Variants in ABHD18 observed in about 807,000 individuals in gnomAD.
ABHD18 encodes cardiolipin-specific deacylase, mitochondrial.
A neutral mutation model predicts 65.9 loss-of-function variants in ABHD18; 55 were observed. That is an observed-to-expected ratio of 0.84 (90% CI 0.67 to 1.05). The LOEUF is 1.05. Ranked by LOEUF, ABHD18 falls within the 50% of genes least tolerant of loss-of-function variation. The pLI is 0.00. For synonymous variants in ABHD18, 181 were observed against 180.2 expected, an observed-to-expected ratio of 1.00 and a Z score of -0.04; for missense variants, 533 against 558.5, an observed-to-expected ratio of 0.95 and a Z score of 0.46.
intron 1 of ABHD18, among the ~76,000 whole-genome samples, chr4:127,977,284 C>G (rs539090413): frequency 1.7e-3 from 260 of 150,134 alleles, no homozygotes; most frequent in African/African-American, 5.8e-3. Context: ...ACCAGCCTGA[C>G]CAACATGGAG....
chr4:127,984,379 T>C lies in ABHD18; in HGVS notation c.133T>C (p.Cys45Arg). The C allele has an allele frequency of 1.9e-6, 3 of 1,550,956 alleles. No homozygotes were observed. Among genetic ancestry groups the C allele is most frequent in the Non-Finnish European group, 2.6e-6 (3 of 1,145,936 alleles). The change falls in exon 3 of 13, where the codon TGC (cysteine) becomes CGC (arginine). Residue 45 changes from cysteine to arginine, a missense_variant. Around this residue, in one of 3 missense-constraint regions of ABHD18, gnomAD observed 309 missense variants for 313.5 expected, o/e 0.99. Transcript: ENST00000645843. ...FRKMIGNRER[C>R]QNLVSSDYPV... ...AAAGATGATTGGAAATCGGGAAAGA[T>C]GCCAGAATCTGGTTTCAAGCGATTA...
chr4:128,011,818 G>A, intron 7 of ABHD18, 118 bp downstream of exon 7: 1 of 431,432 alleles, frequency 2.3e-6, no homozygotes, highest in South Asian at 4.0e-5. Flanking sequence ...TATGGGGGGG[G>A]GGAGTTCTGT....
chr4:127,999,323 G>T (rs114616569), intron 4 of ABHD18, among the ~76,000 whole-genome samples: 4,440 of 152,130 alleles, frequency 0.029, 200 homozygotes, highest in African/African-American at 0.1. Context: ...CCTTCTGGTG[G>T]CTTAGTTCTT....
intron 7 of ABHD18, 85 bp downstream of exon 7, chr4:128,011,785 T>C: frequency 1.4e-6 from 1 of 717,954 alleles, no homozygotes; most frequent in East Asian, 5.8e-5. Context: ...AGTTAACCAT[T>C]TCTAAATTGA....
intron 4 of ABHD18, chr4:128,001,845 TG>T (rs371700265): frequency 0.021 from 27,274 of 1,322,182 alleles, 1,036 homozygotes; most frequent in African/African-American, 0.2. Context: ...TGTTTTGTTT[TG>T]TTTTTTTTTT....
chr4:127,971,482 CTTTTTTTTT>C (rs1156788634), intron 1 of ABHD18, among the ~76,000 whole-genome samples: 3 of 51,906 alleles, frequency 5.8e-5, no homozygotes, highest in East Asian at 1.3e-3. Context: ...CCAGAGTTGG[CTTTTTTTTT>C]TTTTTTTTTT....
At chr4:128,018,883 ACGTG>A (rs1194598950) in intron 8 of ABHD18, among the ~76,000 whole-genome samples, 1 of 151,736 alleles carries the variant, frequency 6.6e-6, no homozygotes. Flanking sequence ...GTGTGGTGGC[ACGTG>A]CCTGTAATCC....
intron 7 of ABHD18, 74 bp from the exon 8 acceptor site, chr4:128,017,289 C>G: frequency 7.1e-7 from 1 of 1,400,942 alleles, no homozygotes; most frequent in Non-Finnish European, 9.8e-7. Context: ...AGTCTGGCAG[C>G]CTGTTGTAAA....
intron 3 of ABHD18, among the ~76,000 whole-genome samples, chr4:127,988,405 A>G (rs1282035345): frequency 6.6e-6 from 1 of 151,916 alleles, no homozygotes; most frequent in Non-Finnish European, 1.5e-5. Context: ...TAATTTTTGT[A>G]TTTTTTGTAG....
At position 128,039,190 on chromosome 4, in the gene ABHD18, C is replaced by T. The variant is rs901839269; in HGVS notation, c.*3377C>T. ...ATATATATATATATATATATAATCT[C>T]AAAGAAGTGCGGTCTGCCATTTATC... is the stretch of plus-strand genomic sequence containing the variant. On this transcript the variant is annotated 3_prime_UTR_variant, in exon 13 of 13. Coordinates refer to ENST00000645843, the MANE Select transcript of ABHD18 (RefSeq NM_001358451.3). 7.6e-5 allele frequency: 10 copies of T among 131,564 alleles called. No homozygotes were observed. The highest frequency in any genetic ancestry group is 2.6e-4 in the African/African-American group (9 of 35,218). 8.1% of individuals were successfully genotyped at this position (131,564 alleles called of 1,614,324 possible).
At chr4:128,007,328 TAA>T (rs750294558) in intron 4 of ABHD18, among the ~76,000 whole-genome samples, 24 of 58,794 alleles carry the variant, frequency 4.1e-4, no homozygotes, top group Non-Finnish European at 4.7e-4. Context: ...ACCTTGTCTC[TAA>T]AAAAAAAAAA....
chr4:127,999,153 G>A (rs1234920060), intron 4 of ABHD18, among the ~76,000 whole-genome samples: 3 of 152,024 alleles, frequency 2.0e-5, no homozygotes, highest in African/African-American at 4.8e-5. Context: ...GCTTGGTGGT[G>A]CACGTCTGGA....
At chr4:128,011,359 A>G (rs1754522330) in intron 6 of ABHD18, among the ~76,000 whole-genome samples, 1 of 152,054 alleles carries the variant, frequency 6.6e-6, no homozygotes, top group South Asian at 2.1e-4. Flanking sequence ...CATGTTAGCC[A>G]GGATGGTCTC....
At chr4:128,002,856 C>G (rs1752913502) in intron 4 of ABHD18, among the ~76,000 whole-genome samples, 2 of 151,632 alleles carry the variant, frequency 1.3e-5, no homozygotes, top group African/African-American at 4.8e-5. Flanking sequence ...GTTGGCCAGG[C>G]TGGTCTCAAA....
At chr4:127,984,919 CTA>C (rs1257628921) in intron 3 of ABHD18, among the ~76,000 whole-genome samples, 1 of 152,104 alleles carries the variant, frequency 6.6e-6, no homozygotes, top group Admixed American at 6.6e-5. Flanking sequence ...TTTTTAATAA[CTA>C]TGTTCACATA....
chr4:127,990,213 T>A (rs1405110484), intron 4 of ABHD18, among the ~76,000 whole-genome samples: 1 of 152,216 alleles, frequency 6.6e-6, no homozygotes, highest in Non-Finnish European at 1.5e-5. Context: ...CCAAAGGATA[T>A]ATATGAATAT....
At chr4:128,031,728 T>A (rs1433125302) in intron 12 of ABHD18, among the ~76,000 whole-genome samples, 1 of 152,216 alleles carries the variant, frequency 6.6e-6, no homozygotes, top group Non-Finnish European at 1.5e-5. Flanking sequence ...CTAGCCCAAC[T>A]TATAAATGTC....
Position 128,035,879 on chromosome 4 carries a change from T to C in ABHD18, c.*66T>C. ...TACAAAAGGGAGCTTCATCCTGTGA[T>C]CATGTGAAGGACAAGCAGACAGCAC... On this transcript the variant is annotated 3_prime_UTR_variant, in exon 13 of 13. Coordinates refer to ENST00000645843, the MANE Select transcript of ABHD18 (RefSeq NM_001358451.3). 5 of 1,006,904 alleles carry C rather than the reference T, an allele frequency of 5.0e-6. No individual in the cohort carries two copies. Among genetic ancestry groups the C allele is most frequent in the Non-Finnish European group, 5.8e-6 (4 of 687,290 alleles). 62.4% of individuals were successfully genotyped at this position (1,006,904 alleles called of 1,614,324 possible).
chr4:128,010,046 G>A (rs1017083805), intron 6 of ABHD18, among the ~76,000 whole-genome samples: 2 of 152,022 alleles, frequency 1.3e-5, no homozygotes. Flanking sequence ...TTGTGACCTT[G>A]GACATGTTAC....
Sources: gnomAD v4.1 joint callset for allele counts (sites outside exome capture counted in the v4.1 genomes callset) on GRCh38, gnomAD v4.1.1 for gene constraint, gnomAD v4.1.1 regional missense constraint, MANE v1.5 for transcripts, NCBI Gene and HGNC (gene_info 2026-07-23, HGNC 2026-07-21) for gene names.